PCDH15: variants seen among roughly 807,000 people sequenced by gnomAD.
The protein encoded by PCDH15 is protocadherin related 15.
A neutral mutation model predicts 178.5 loss-of-function variants in PCDH15; 129 were observed. The observed-to-expected ratio is 0.72, with a 90% confidence interval of 0.63 to 0.84. The LOEUF (loss-of-function observed/expected upper bound fraction) is 0.84, where lower values mean the gene tolerates loss of function less well. Among genes scored for constraint, PCDH15 ranks in the 40% least tolerant of loss-of-function variants. The pLI, the probability that PCDH15 is intolerant of heterozygous loss-of-function variation, is 0.00. For missense variants in PCDH15, 2,230 were observed against 2,099.9 expected (o/e 1.06, Z -1.21); for synonymous variants, 800 against 732.0 (o/e 1.09, Z -1.50).
intron 8 of PCDH15, among the ~76,000 whole-genome samples, chr10:54,271,294 T>C (rs2132493322): frequency 6.6e-6 from 1 of 152,232 alleles, no homozygotes; most frequent in Non-Finnish European, 1.5e-5. Flanking sequence ...CACTGCAACC[T>C]CCACCTCCCG....
chr10:54,025,688 C>T (rs1460217378), intron 18 of PCDH15, among the ~76,000 whole-genome samples: 4 of 151,800 alleles, frequency 2.6e-5, no homozygotes, highest in African/African-American at 2.4e-5. Context: ...TAGTAGAGAC[C>T]GGGTTTCACC....
At chr10:55,520,623 A>G (rs1002645574) in intron 2 of PCDH15, among the ~76,000 whole-genome samples, 9 of 151,086 alleles carry the variant, frequency 6.0e-5, no homozygotes, top group African/African-American at 2.2e-4. Context: ...CCAATCCACT[A>G]AAAGAATTCT....
chr10:55,246,421 T>C (rs1841680999), intron 1 of PCDH15, among the ~76,000 whole-genome samples: 1 of 152,206 alleles, frequency 6.6e-6, no homozygotes, highest in East Asian at 1.9e-4. Flanking sequence ...ACTTTCATTT[T>C]CTCAGCTAAT....
intron 1 of PCDH15, among the ~76,000 whole-genome samples, chr10:54,704,552 A>T (rs909338361): frequency 2.0e-5 from 3 of 152,206 alleles, no homozygotes; most frequent in Non-Finnish European, 4.4e-5. Context: ...GAAGACATAC[A>T]TGCAGCTAAC....
intron 8 of PCDH15, among the ~76,000 whole-genome samples, chr10:54,245,418 C>G (rs183256856): frequency 6.6e-6 from 1 of 151,878 alleles, no homozygotes; most frequent in Non-Finnish European, 1.5e-5. Context: ...TATTGGTTAT[C>G]AATAAATAGA....
chr10:54,339,324 A>G (rs982959013), intron 6 of PCDH15, among the ~76,000 whole-genome samples: 1 of 151,874 alleles, frequency 6.6e-6, no homozygotes, highest in Non-Finnish European at 1.5e-5. Context: ...TCAGTGCATT[A>G]TGAACACTCT....
At chr10:54,307,626 TC>T (rs1460119488) in intron 8 of PCDH15, among the ~76,000 whole-genome samples, 1 of 151,892 alleles carries the variant, frequency 6.6e-6, no homozygotes, top group Admixed American at 6.6e-5. Flanking sequence ...CTCCCCAAAG[TC>T]ATAATATACT....
intron 28 of PCDH15, among the ~76,000 whole-genome samples, chr10:53,844,078 G>A (rs1256589354): frequency 6.6e-6 from 1 of 151,656 alleles, no homozygotes; most frequent in African/African-American, 2.4e-5. Flanking sequence ...AGGAATGAGT[G>A]TTCTAAGAAA....
chr10:54,218,043 G>A (rs770405165), intron 9 of PCDH15, among the ~76,000 whole-genome samples: 7 of 152,100 alleles, frequency 4.6e-5, no homozygotes, highest in African/African-American at 1.2e-4. Flanking sequence ...GCAAAATAAC[G>A]TATTGATCAC....
chr10:55,496,970 G>A (rs1272260801), intron 2 of PCDH15, among the ~76,000 whole-genome samples: 1 of 151,840 alleles, frequency 6.6e-6, no homozygotes, highest in Non-Finnish European at 1.5e-5. Context: ...GGCAAAATAT[G>A]TAGTTTAGCT....
chr10:53,991,017 G>A (rs539714020), intron 21 of PCDH15, among the ~76,000 whole-genome samples: 20 of 152,104 alleles, frequency 1.3e-4, no homozygotes, highest in Admixed American at 1.3e-4. Flanking sequence ...CGCTGCACTC[G>A]AATTCTCGCC....
intron 2 of PCDH15, among the ~76,000 whole-genome samples, chr10:55,612,727 G>A (rs1358711280): frequency 6.6e-6 from 1 of 152,020 alleles, no homozygotes; most frequent in Admixed American, 6.6e-5. Flanking sequence ...GGTACCAATG[G>A]CAAAGAAATT....
intron 2 of PCDH15, among the ~76,000 whole-genome samples, chr10:55,418,100 A>G (rs1838528340): frequency 6.6e-6 from 1 of 151,686 alleles, no homozygotes; most frequent in African/African-American, 2.4e-5. Flanking sequence ...AAATCATAAC[A>G]AAAGGAAATG....
At chr10:54,611,877 A>C (rs1164646515) in intron 2 of PCDH15, among the ~76,000 whole-genome samples, 2 of 151,902 alleles carry the variant, frequency 1.3e-5, no homozygotes, top group Non-Finnish European at 1.5e-5. Flanking sequence ...AAAATGACAA[A>C]AAACAAATTG....
intron 18 of PCDH15, among the ~76,000 whole-genome samples, chr10:54,030,251 T>C (rs2093253643): frequency 6.6e-6 from 1 of 152,028 alleles, no homozygotes; most frequent in African/African-American, 2.4e-5. Flanking sequence ...CACTTTGAAG[T>C]GGGAACCATA....
chr10:53,909,475 C>A (rs2082915030), intron 25 of PCDH15, among the ~76,000 whole-genome samples: 1 of 152,136 alleles, frequency 6.6e-6, no homozygotes, highest in Admixed American at 6.5e-5. Context: ...TATTTTATTC[C>A]TGTAAATTAA....
At chr10:53,974,858 G>C (rs1411016135) in intron 21 of PCDH15, among the ~76,000 whole-genome samples, 5 of 151,846 alleles carry the variant, frequency 3.3e-5, no homozygotes, top group Non-Finnish European at 7.4e-5. Context: ...TGAGGTTTGG[G>C]GTACAATTGA....
At chr10:54,476,027 C>CATAT (rs373818298) in intron 3 of PCDH15, among the ~76,000 whole-genome samples, 27 of 134,518 alleles carry the variant, frequency 2.0e-4, no homozygotes, top group South Asian at 8.3e-4. Flanking sequence ...ATAGTGATTA[C>CATAT]ATATATATAT....
intron 2 of PCDH15, among the ~76,000 whole-genome samples, chr10:54,648,676 C>T (rs1243588651): frequency 6.6e-6 from 1 of 152,064 alleles, no homozygotes; most frequent in Non-Finnish European, 1.5e-5. Flanking sequence ...TTGGCACTTA[C>T]AAATACCACA....
Sources: allele counts gnomAD v4.1 joint callset (sites outside exome capture counted in the v4.1 genomes callset), GRCh38; gene constraint gnomAD v4.1.1; transcripts MANE v1.5; gene names NCBI Gene and HGNC (gene_info 2026-07-23, HGNC 2026-07-21).